Variants in DISP1 observed in about 807,000 individuals in gnomAD.
The protein encoded by DISP1 is dispatched RND transporter family member 1.
A neutral mutation model predicts 37.3 loss-of-function variants in DISP1; 30 were observed. The ratio of observed to expected loss-of-function variants is 0.80; its 90% CI spans 0.60 to 1.09. The LOEUF is 1.09. DISP1 is among the 50% of genes least tolerant of loss of function. DISP1 has a pLI of 0.00. For missense variants in DISP1, 1,598 were observed against 1,879.5 expected (o/e 0.85, Z 2.77); for synonymous variants, 634 against 690.2 (o/e 0.92, Z 1.28).
intron 1 of DISP1, among the ~76,000 whole-genome samples, chr1:222,817,919 A>G (rs559382079): frequency 8.5e-5 from 13 of 152,352 alleles, no homozygotes; most frequent in African/African-American, 3.1e-4. Context: ...TACTTTTAAT[A>G]CTAAATCATA....
At chr1:222,848,314 C>G (rs2125303950) in intron 1 of DISP1, among the ~76,000 whole-genome samples, 1 of 152,096 alleles carries the variant, frequency 6.6e-6, no homozygotes, top group African/African-American at 2.4e-5. Context: ...CAGTGTGGTG[C>G]CAGTCGTGTA....
At chr1:222,978,698 T>C (rs952867636) in intron 3 of DISP1, among the ~76,000 whole-genome samples, 1 of 152,232 alleles carries the variant, frequency 6.6e-6, no homozygotes, top group Non-Finnish European at 1.5e-5. Flanking sequence ...AATTTTTGTA[T>C]AAGGTGTAAG....
chr1:222,916,414 T>A (rs1207338229), intron 1 of DISP1, among the ~76,000 whole-genome samples: 2 of 152,228 alleles, frequency 1.3e-5, no homozygotes, highest in African/African-American at 4.8e-5. Flanking sequence ...AGCTAGGACT[T>A]GCCTAGGCTT....
chr1:222,885,110 G>A (rs1670514562), intron 1 of DISP1, among the ~76,000 whole-genome samples: 1 of 152,116 alleles, frequency 6.6e-6, no homozygotes, highest in South Asian at 2.1e-4. Flanking sequence ...TTACAGGGGT[G>A]AGCCACCGCA....
Position 222,990,647 on chromosome 1 carries a change from T to A in DISP1, c.562T>A (p.Trp188Arg). 1 of 1,614,154 alleles carries A rather than the reference T, an allele frequency of 6.2e-7. No individual in the cohort carries two copies. Among genetic ancestry groups the A allele is most frequent in the Non-Finnish European group, 8.5e-7 (1 of 1,179,986 alleles). Residue 188 changes from tryptophan (W) to arginine (R), a missense_variant, in exon 5 of 9, where the codon TGG becomes AGG. By Grantham distance (101) the Trp-to-Arg change is moderately radical. Coordinates refer to ENST00000675850, the MANE Select transcript of DISP1 (RefSeq NM_001377229.1). ...PKSYAALIAD[W>R]PVVVLGMCTM... ...TAGTTATGCAGCCCTGATAGCCGAC[T>A]GGCCGGTGGTGGTCTTGGGCATGTG...
chr1:223,004,359 A>G lies in DISP1; in HGVS notation c.2962A>G (p.Met988Val), dbSNP rs754978377. Reference protein sequence around the residue: ...DSLSDGTLIAMGLSVAVAFSV... With the variant: ...DSLSDGTLIAVGLSVAVAFSV... ...CCTCTCCGATGGCACCCTCATTGCC[A>G]TGGGGCTGTCAGTTGCTGTTGCATT... Residue 988 changes from methionine (M) to valine (V), a missense_variant, in exon 9 of 9, where the codon ATG (methionine) becomes GTG (valine). By Grantham distance (21) the Met-to-Val change is conservative (BLOSUM62 1). Transcript: ENST00000675850. This position sits in a 1 kb window ranked among gnomAD's most constrained non-coding sequence, Gnocchi z 4.9. 2.5e-6 allele frequency: 4 copies of G among 1,614,188 alleles called. No individual in the cohort carries two copies. The highest frequency in any genetic ancestry group is 1.1e-5 in the South Asian group (1 of 91,086).
intron 1 of DISP1, among the ~76,000 whole-genome samples, chr1:222,821,878 CAAAAAAAA>C (rs35160286): frequency 4.1e-5 from 3 of 73,592 alleles, no homozygotes; most frequent in African/African-American, 1.6e-4. Context: ...GACTCCATCT[CAAAAAAAA>C]AAAAAAAAAA....
chr1:222,961,083 A>G (rs894441893), intron 3 of DISP1, among the ~76,000 whole-genome samples: 12 of 152,090 alleles, frequency 7.9e-5, no homozygotes, highest in African/African-American at 2.4e-4. Context: ...ATTCCAAACA[A>G]CAGAAAAAGA....
chr1:222,870,926 C>A (rs972677219), intron 1 of DISP1, among the ~76,000 whole-genome samples: 1 of 152,112 alleles, frequency 6.6e-6, no homozygotes, highest in African/African-American at 2.4e-5. Context: ...GGTTTTAGGT[C>A]TTACATGTAA....
rs1469550559 is a variant in DISP1, at chr1:223,002,461, G to C, written c.1064G>C (p.Gly355Ala). ...AASCCPSWTL[G>A]NYIAILNNRS... ...TCCTGCTGCCCCAGCTGGACACTGG[G>C]AAACTACATCGCCATTCTGAACAAT... Residue 355 changes from glycine to alanine, a missense_variant, in exon 9 of 9, where the codon GGA becomes GCA. Gly to Ala is a moderately conservative substitution (Grantham distance 60). Transcript: ENST00000675850. 3 of 1,614,016 alleles carry C rather than the reference G, an allele frequency of 1.9e-6. No homozygotes were observed. Among genetic ancestry groups the C allele is most frequent in the Non-Finnish European group, 2.5e-6 (3 of 1,180,020 alleles).
intron 1 of DISP1, among the ~76,000 whole-genome samples, chr1:222,918,147 T>G (rs1672600033): frequency 6.6e-6 from 1 of 152,124 alleles, no homozygotes; most frequent in South Asian, 2.1e-4. Flanking sequence ...CCTCAAACAT[T>G]GAGGACATTC....
At chr1:222,832,251 C>T (rs187452127) in intron 1 of DISP1, among the ~76,000 whole-genome samples, 6 of 152,002 alleles carry the variant, frequency 3.9e-5, no homozygotes. Context: ...AGCCCTGGGA[C>T]AACTAAACTT....
At chr1:222,837,531 T>A (rs913212787) in intron 1 of DISP1, 1 of 153,748 alleles carries the variant, frequency 6.5e-6, no homozygotes, top group Non-Finnish European at 1.4e-5. Flanking sequence ...TATCTACCAT[T>A]TGTTAAATAT....
Position 222,988,489 on chromosome 1 carries a change from T to C in DISP1, c.540-2136T>C, listed in dbSNP as rs1178719730. On this transcript the variant is annotated intron_variant, in intron 4 of 8. Coordinates refer to ENST00000675850, the MANE Select transcript of DISP1 (RefSeq NM_001377229.1). ...TTGTTGTGAGAATTGAACAATATAA[T>C]AATTTATGTAAAGCACAAGAGCAAC... is the stretch of plus-strand genomic sequence containing the variant. Among the ~76,000 whole-genome samples, 4 of 152,232 alleles carry C rather than the reference T, an allele frequency of 2.6e-5. No homozygotes were observed. In the East Asian group the frequency reaches 7.7e-4, roughly 29 times the overall value.
In DISP1 at chr1:222,875,450, T is replaced by C. The variant is rs1298947453; in HGVS notation, c.-158-52980T>C. Among the ~76,000 whole-genome samples the C allele has an allele frequency of 3.3e-5, 5 of 152,086 alleles. No homozygotes were observed. The South Asian group carries it at 6.2e-4, about 19-fold the overall frequency. ...ATTGTGACTCTTATTTTGGCTTTTT[T>C]CCCCCCTTTTATATGTAGGGAACCA... On this transcript the variant is annotated intron_variant, in intron 1 of 8. Transcript: ENST00000675850.
At chr1:222,957,869 A>C (rs1325359973) in intron 3 of DISP1, among the ~76,000 whole-genome samples, 1 of 152,222 alleles carries the variant, frequency 6.6e-6, no homozygotes, top group Non-Finnish European at 1.5e-5. Flanking sequence ...GTTTCTTTCT[A>C]ACCTAAGTTG....
chr1:222,994,940 T>G lies in DISP1; in HGVS notation c.945T>G (p.Asn315Lys). The change falls in exon 8 of 9, where the codon AAT (asparagine) becomes AAG (lysine). Residue 315 changes from asparagine to lysine, a missense_variant. Asn to Lys is a moderately conservative substitution (Grantham distance 94, BLOSUM62 0). Coordinates refer to ENST00000675850, the MANE Select transcript of DISP1 (RefSeq NM_001377229.1). ...FTSSGGETLWNLPAIKSMCNV... is the reference protein window; with the variant it reads ...FTSSGGETLWKLPAIKSMCNV... ...CATCTGGAGGGGAGACATTATGGAA[T>G]TTACCTGCAATTAAATCAATGTGCA... 6.2e-7 allele frequency: 1 copy of G among 1,613,292 alleles called. No individual in the cohort carries two copies. The highest frequency in any genetic ancestry group is 1.7e-5 in the Admixed American group (1 of 60,000).
intron 1 of DISP1, among the ~76,000 whole-genome samples, chr1:222,925,945 A>G (rs980169075): frequency 6.6e-6 from 1 of 152,210 alleles, no homozygotes. Flanking sequence ...ATCCGAAAAA[A>G]TTCACCATTT....
intron 3 of DISP1, among the ~76,000 whole-genome samples, chr1:222,976,874 A>G (rs1558063709): frequency 6.6e-6 from 1 of 152,208 alleles, no homozygotes; most frequent in Non-Finnish European, 1.5e-5. Flanking sequence ...TTGGAAATTC[A>G]AGATGTATTT....
Sources: gnomAD v4.1 joint callset for allele counts (sites outside exome capture counted in the v4.1 genomes callset) on GRCh38, gnomAD v4.1.1 for gene constraint, Gnocchi (gnomAD v3.1) non-coding constraint, MANE v1.5 for transcripts, NCBI Gene and HGNC (gene_info 2026-07-23, HGNC 2026-07-21) for gene names.